LNX1: variants seen among roughly 807,000 people sequenced by gnomAD.
LNX1 encodes the protein ligand of numb-protein X 1.
Under a neutral mutation model 68.4 loss-of-function variants are expected in LNX1, and 54 were observed. That is an observed-to-expected ratio of 0.79 (90% CI 0.63 to 0.99). The LOEUF is 0.99. Among genes scored for constraint, LNX1 ranks in the 50% least tolerant of loss-of-function variants. The pLI, the probability that LNX1 is intolerant of heterozygous loss-of-function variation, is 0.00. For synonymous variants in LNX1, 336 were observed against 350.0 expected, an observed-to-expected ratio of 0.96 and a Z score of 0.45; for missense variants, 906 against 926.4, an observed-to-expected ratio of 0.98 and a Z score of 0.29.
At position 53,579,270 on chromosome 4, in the gene LNX1, G is replaced by T. The variant is rs1033728494; in HGVS notation, c.-86-5182C>A. The stretch of plus-strand genomic sequence containing the variant: ...CCTTACGTACGTGTATGATGGGTAC[G>T]GTGGAAATCTTACACTTTTTCAGTA... On this transcript the variant is annotated intron_variant, in intron 1 of 10. Coordinates refer to ENST00000263925, the MANE Select transcript of LNX1 (RefSeq NM_001126328.3). 6.2e-5 allele frequency: 61 copies of T among 984,628 alleles called. 2 individuals are homozygous for T. The highest frequency in any genetic ancestry group is 5.2e-4 in the Middle Eastern group (1 of 1,936). The allele number at this position is 984,628 out of a possible 1,614,324, so 61.0% of individuals were successfully genotyped here.
intron 2 of LNX1, among the ~76,000 whole-genome samples, chr4:53,561,437 A>G (rs1477773661): frequency 6.6e-6 from 1 of 152,146 alleles, no homozygotes; most frequent in Non-Finnish European, 1.5e-5. Context: ...TGTGTTGGCC[A>G]TGATGGTCTT....
At chr4:53,517,500 A>G (rs532206304) in intron 2 of LNX1, among the ~76,000 whole-genome samples, 2 of 152,166 alleles carry the variant, frequency 1.3e-5, no homozygotes, top group Admixed American at 6.5e-5. Context: ...CAATAATACA[A>G]CTTCTATTCA....
At chr4:53,646,961 T>C (rs541590920) in intron 1 of LNX1, among the ~76,000 whole-genome samples, 22 of 152,338 alleles carry the variant, frequency 1.4e-4, no homozygotes, top group Non-Finnish European at 2.9e-4. Flanking sequence ...TGGAGGAAGC[T>C]GTAAAAGGCA....
chr4:53,507,305 G>A lies in LNX1; in HGVS notation c.775+12C>T. ...GCCCATGTCCATCCAGCCTTATGGG[G>A]AGTTCATTTACCTTCAGGGGCAGTG... On this transcript the variant is annotated intron_variant, in intron 4 of 10. Coordinates refer to ENST00000263925, the MANE Select transcript of LNX1 (RefSeq NM_001126328.3). 6.2e-7 allele frequency: 1 copy of A among 1,613,128 alleles called. No homozygotes were observed. The highest frequency in any genetic ancestry group is 1.7e-5 in the Admixed American group (1 of 59,784).
chr4:53,553,746 C>T (rs1729684896), intron 2 of LNX1, among the ~76,000 whole-genome samples: 1 of 152,118 alleles, frequency 6.6e-6, no homozygotes, highest in African/African-American at 2.4e-5. Flanking sequence ...ATTCCCCATG[C>T]CCTGATCTAT....
At chr4:53,463,765 A>G (rs1722395908) in intron 9 of LNX1, among the ~76,000 whole-genome samples, 1 of 152,036 alleles carries the variant, frequency 6.6e-6, no homozygotes, top group African/African-American at 2.4e-5. Context: ...TTTGATTTCC[A>G]CTGAAATGAG....
intron 2 of LNX1, among the ~76,000 whole-genome samples, chr4:53,611,220 GA>G (rs889257581): frequency 1.5e-4 from 22 of 149,486 alleles, no homozygotes; most frequent in South Asian, 4.2e-4. Flanking sequence ...GAAAAGGAAT[GA>G]AAAAAAAAGT....
At chr4:53,491,150 G>A (rs1464084828) in intron 6 of LNX1, among the ~76,000 whole-genome samples, 3 of 151,950 alleles carry the variant, frequency 2.0e-5, no homozygotes, top group Non-Finnish European at 2.9e-5. Flanking sequence ...TGCTTATTGC[G>A]AAGTATAGTT....
chr4:53,516,979 C>T (rs1579453512), intron 2 of LNX1, among the ~76,000 whole-genome samples: 2 of 152,302 alleles, frequency 1.3e-5, no homozygotes, highest in South Asian at 2.1e-4. Context: ...GCCAGTCACA[C>T]TCTTTGGAAA....
intron 1 of LNX1, among the ~76,000 whole-genome samples, chr4:53,588,283 T>C (rs371840201): frequency 7.2e-5 from 11 of 152,326 alleles, no homozygotes; most frequent in African/African-American, 2.6e-4. Context: ...CAGACCTGTC[T>C]GATACTATCA....
chr4:53,460,880 C>T lies in LNX1; in HGVS notation c.*27G>A, dbSNP rs1721918791. On this transcript the variant is annotated 3_prime_UTR_variant, in exon 11 of 11. Transcript: ENST00000263925. ...ACTTCTTAGCCTATTTGTGATTTTT[C>T]TGTTTTCCTCTGACCCATCATTGAT... 2 of 1,586,742 alleles carry T rather than the reference C, an allele frequency of 1.3e-6. No individual in the cohort carries two copies. Among genetic ancestry groups the T allele is most frequent in the African/African-American group, 1.4e-5 (1 of 73,248 alleles).
intron 1 of LNX1, among the ~76,000 whole-genome samples, chr4:53,650,424 GAGCAAATA>G (rs1735052810): frequency 6.6e-6 from 1 of 152,148 alleles, no homozygotes; most frequent in Non-Finnish European, 1.5e-5. Context: ...TTGGGGGACT[GAGCAAATA>G]AGCAAATAAT....
intron 2 of LNX1, among the ~76,000 whole-genome samples, chr4:53,534,420 C>CTT (rs3067038): frequency 0.81 from 122,939 of 151,812 alleles, 50,163 homozygotes; most frequent in Admixed American, 0.86. Context: ...AGGAGGGTCT[C>CTT]GAGCCTAGGA....
chr4:53,530,394 A>C (rs927280281), intron 2 of LNX1, among the ~76,000 whole-genome samples: 1 of 152,222 alleles, frequency 6.6e-6, no homozygotes, highest in South Asian at 2.1e-4. Context: ...GGGAAATTAA[A>C]CATAAGAAAA....
intron 2 of LNX1, among the ~76,000 whole-genome samples, chr4:53,610,261 A>T (rs372360790): frequency 7.9e-5 from 12 of 152,302 alleles, no homozygotes; most frequent in Admixed American, 4.6e-4. Flanking sequence ...AAATTATCAA[A>T]AGGTAACAAA....
intron 2 of LNX1, among the ~76,000 whole-genome samples, chr4:53,614,018 G>A (rs1733595095): frequency 6.6e-6 from 1 of 152,150 alleles, no homozygotes; most frequent in Non-Finnish European, 1.5e-5. Flanking sequence ...TCTGACTGGT[G>A]TGAGATGGTA....
Position 53,498,724 on chromosome 4 carries a change from C to A in LNX1, c.895G>T (p.Val299Phe). 1 of 1,613,952 alleles carries A rather than the reference C, an allele frequency of 6.2e-7. No homozygotes were observed. Among genetic ancestry groups the A allele is most frequent in the African/African-American group, 1.3e-5 (1 of 75,012 alleles). Residue 299 changes from valine (V) to phenylalanine (F), a missense_variant, in exon 5 of 11, where the codon GTC (valine) becomes TTC (phenylalanine). Coordinates refer to ENST00000263925, the MANE Select transcript of LNX1 (RefSeq NM_001126328.3). Reference sequence around the variant, plus strand: ...TAAATGTGTTGGATAATGATATGGACCAGTGGGGTTTCGCTACCTCCCACC... The same window carrying A: ...TAAATGTGTTGGATAATGATATGGAACAGTGGGGTTTCGCTACCTCCCACC... ...RLVGGSETPL[V>F]HIIIQHIYRD...
intron 7 of LNX1, among the ~76,000 whole-genome samples, chr4:53,481,361 G>A (rs1325951387): frequency 2.0e-5 from 3 of 152,168 alleles, no homozygotes; most frequent in Non-Finnish European, 2.9e-5. Flanking sequence ...AAATTCAAAA[G>A]CCAGAAACCA....
At chr4:53,632,966 T>C (rs1734332525) in intron 1 of LNX1, among the ~76,000 whole-genome samples, 1 of 152,256 alleles carries the variant, frequency 6.6e-6, no homozygotes, top group Admixed American at 6.5e-5. Context: ...GTTCTACTTC[T>C]AGACAACCTG....
Sources: gnomAD v4.1 joint callset for allele counts (sites outside exome capture counted in the v4.1 genomes callset) on GRCh38, gnomAD v4.1.1 for gene constraint, MANE v1.5 for transcripts, NCBI Gene and HGNC (gene_info 2026-07-23, HGNC 2026-07-21) for gene names.